Variants in DNAAF9 observed in about 807,000 individuals in gnomAD.
DNAAF9 encodes dynein axonemal assembly factor 9.
In DNAAF9, 90 loss-of-function variants were observed where a neutral mutation model predicts 167.0. The observed-to-expected ratio is 0.54, with a 90% CI of 0.45 to 0.64. DNAAF9 has a LOEUF of 0.64. Ranked by LOEUF, DNAAF9 falls within the 30% of genes least tolerant of loss-of-function variation. DNAAF9 has a pLI of 0.00. For missense variants in DNAAF9, 1,315 were observed against 1,442.2 expected, an observed-to-expected ratio of 0.91 and a Z score of 1.43; for synonymous variants, 491 against 508.8, an observed-to-expected ratio of 0.96 and a Z score of 0.47.
chr20:3,286,390 G>C (rs2068853644), intron 27 of DNAAF9, among the ~76,000 whole-genome samples: 1 of 152,192 alleles, frequency 6.6e-6, no homozygotes, highest in Non-Finnish European at 1.5e-5. Context: ...TCTCCGAAGT[G>C]ATGGAAGATG....
chr20:3,376,116 C>A, intron 4 of DNAAF9, 62 bp downstream of exon 4: 1 of 1,460,630 alleles, frequency 6.8e-7, no homozygotes, highest in Non-Finnish European at 9.4e-7. Context: ...TTCAGATCAA[C>A]ACTTTCCTTA....
rs2069484044 is a variant in DNAAF9, at chr20:3,315,328, A to AT, written c.1591-209dup. On this transcript the variant is annotated intron_variant, in intron 19 of 36. Coordinates refer to ENST00000252032, the MANE Select transcript of DNAAF9 (RefSeq NM_001009984.3). This position sits in a 1 kb window ranked among gnomAD's most constrained non-coding sequence, Gnocchi z 4.1. Reference sequence around the variant, plus strand: ...CTTGATTTGTGCTGAGAAAAAGAACATTAAGATTCTCTCTGAGTCCAGGCA... The same window carrying AT: ...CTTGATTTGTGCTGAGAAAAAGAACATTTAAGATTCTCTCTGAGTCCAGGCA... Among the ~76,000 whole-genome samples, 1 of 152,170 alleles carries AT rather than the reference A, an allele frequency of 6.6e-6. No homozygotes were observed. The highest frequency in any genetic ancestry group is 2.4e-5 in the African/African-American group (1 of 41,434).
intron 6 of DNAAF9, among the ~76,000 whole-genome samples, chr20:3,370,829 C>T (rs1045533322): frequency 1.3e-5 from 2 of 152,198 alleles, no homozygotes; most frequent in African/African-American, 2.4e-5. Flanking sequence ...GTGAGCCACT[C>T]ACCAGGCCCT....
At chr20:3,337,922 C>T (rs758431768) in intron 10 of DNAAF9, among the ~76,000 whole-genome samples, 6 of 149,278 alleles carry the variant, frequency 4.0e-5, no homozygotes, top group Non-Finnish European at 8.9e-5. Flanking sequence ...TTTATTCCTT[C>T]TTTGATGCTC....
intron 3 of DNAAF9, among the ~76,000 whole-genome samples, chr20:3,380,549 G>A (rs2083635175): frequency 1.3e-5 from 2 of 152,152 alleles, no homozygotes; most frequent in African/African-American, 4.8e-5. Context: ...CCCCTACCCA[G>A]TTTTGACAAT....
At chr20:3,307,576 C>T (rs1247736771) in intron 20 of DNAAF9, among the ~76,000 whole-genome samples, 1 of 152,084 alleles carries the variant, frequency 6.6e-6, no homozygotes, top group African/African-American at 2.4e-5. Flanking sequence ...ATCTCCCTGA[C>T]TCTTTGTGCC....
At chr20:3,285,540 G>A (rs1191452857) in intron 27 of DNAAF9, among the ~76,000 whole-genome samples, 4 of 152,038 alleles carry the variant, frequency 2.6e-5, no homozygotes, top group African/African-American at 4.8e-5. Context: ...TTAGCCAGGC[G>A]TGGTGGTGAG....
chr20:3,329,494 C>T (rs182749771), intron 12 of DNAAF9, among the ~76,000 whole-genome samples: 115 of 152,310 alleles, frequency 7.6e-4, no homozygotes, highest in African/African-American at 2.6e-3. Context: ...TGGGTAGTGC[C>T]AGACAGGAGG....
At chr20:3,377,087 TAAATACAG>T (rs2083586175) in intron 3 of DNAAF9, among the ~76,000 whole-genome samples, 1 of 150,268 alleles carries the variant, frequency 6.7e-6, no homozygotes, top group African/African-American at 2.5e-5. Context: ...AAAATAAAAA[TAAATACAG>T]ACCTGGAATC....
intron 29 of DNAAF9, among the ~76,000 whole-genome samples, chr20:3,273,289 T>TA (rs1019967021): frequency 1.3e-5 from 2 of 152,176 alleles, no homozygotes; most frequent in South Asian, 2.1e-4. Context: ...AGTGTTAAGT[T>TA]AAAAAAATTA....
intron 1 of DNAAF9, among the ~76,000 whole-genome samples, chr20:3,389,144 T>C (rs2123268358): frequency 6.6e-6 from 1 of 152,062 alleles, no homozygotes; most frequent in Admixed American, 6.6e-5. Flanking sequence ...AATTTTTTCA[T>C]ATTTTTAGTA....
chr20:3,270,603 G>C (rs766336414), intron 29 of DNAAF9, 41 bp from the exon 30 acceptor site: 2 of 1,588,436 alleles, frequency 1.3e-6, no homozygotes. Context: ...TCACAGTCCT[G>C]GTTAGGGGTG....
intron 31 of DNAAF9, among the ~76,000 whole-genome samples, chr20:3,263,040 T>C (rs1047394379): frequency 7.6e-5 from 11 of 144,160 alleles, no homozygotes; most frequent in Non-Finnish European, 3.0e-5. Context: ...AGTGGCGTGA[T>C]CTCAGCTCAC....
At chr20:3,322,602 T>C (rs766858656) in intron 15 of DNAAF9, 50 bp downstream of exon 15, 2 of 1,395,462 alleles carry the variant, frequency 1.4e-6, no homozygotes, top group East Asian at 4.6e-5. Flanking sequence ...CCTCTCTTTA[T>C]CTTCCTAAAA....
chr20:3,343,000 T>A (rs1244812046), intron 9 of DNAAF9, among the ~76,000 whole-genome samples: 1 of 152,126 alleles, frequency 6.6e-6, no homozygotes, highest in African/African-American at 2.4e-5. Flanking sequence ...GTTTCTCCCA[T>A]TCTGAGGATT....
At chr20:3,379,502 G>A (rs1224067947) in intron 3 of DNAAF9, among the ~76,000 whole-genome samples, 1 of 151,334 alleles carries the variant, frequency 6.6e-6, no homozygotes, top group Non-Finnish European at 1.5e-5. Context: ...GCTGAGGCAG[G>A]AGACTCCACC....
At chr20:3,347,346 CAA>C (rs1025263319) in intron 8 of DNAAF9, among the ~76,000 whole-genome samples, 23 of 152,022 alleles carry the variant, frequency 1.5e-4, no homozygotes, top group Admixed American at 1.5e-3. Flanking sequence ...TCCAGACACT[CAA>C]AAGCTGCAAG....
intron 30 of DNAAF9, 116 bp from the exon 31 acceptor site, chr20:3,264,640 G>C: frequency 3.0e-6 from 2 of 666,762 alleles, no homozygotes; most frequent in South Asian, 3.3e-5. Flanking sequence ...TGCAATCTTG[G>C]CTCATTGCAA....
At chr20:3,293,881 G>A (rs1377685034) in intron 25 of DNAAF9, among the ~76,000 whole-genome samples, 1 of 152,056 alleles carries the variant, frequency 6.6e-6, no homozygotes, top group African/African-American at 2.4e-5. Flanking sequence ...TTCTTGAGAG[G>A]CCAGGGAAGG....
Sources: gnomAD v4.1 joint callset for allele counts (sites outside exome capture counted in the v4.1 genomes callset) on GRCh38, gnomAD v4.1.1 for gene constraint, Gnocchi (gnomAD v3.1) non-coding constraint, MANE v1.5 for transcripts, NCBI Gene and HGNC (gene_info 2026-07-23, HGNC 2026-07-21) for gene names.